ABCG8: variants seen among roughly 807,000 people sequenced by gnomAD.
The protein encoded by ABCG8 is ATP-binding cassette sub-family G member 8.
ABCG8 carries 81 observed loss-of-function variants against 71.3 expected under a neutral mutation model. That is an observed-to-expected ratio of 1.14 (90% CI 0.95 to 1.37). ABCG8 has a LOEUF of 1.37. ABCG8 is among the 40% of genes most tolerant of loss of function. ABCG8 has a pLI of 0.00. For missense variants in ABCG8, 1,119 were observed against 866.2 expected, an observed-to-expected ratio of 1.29 and a Z score of -3.66; for synonymous variants, 451 against 354.7, an observed-to-expected ratio of 1.27 and a Z score of -3.05.
intron 6 of ABCG8, among the ~76,000 whole-genome samples, chr2:43,867,977 A>C (rs779610894): frequency 2.6e-4 from 40 of 151,308 alleles, no homozygotes; most frequent in Non-Finnish European, 3.1e-4. Flanking sequence ...AACTCTCACT[A>C]TCTGGATAGA....
chr2:43,867,198 G>A (rs1226121320), intron 6 of ABCG8, among the ~76,000 whole-genome samples: 1 of 124,274 alleles, frequency 8.0e-6, no homozygotes, highest in Non-Finnish European at 1.7e-5. Context: ...GACTGTTGTG[G>A]GGTGGGGGGA....
intron 3 of ABCG8, 193 bp downstream of exon 3, chr2:43,846,504 T>A: frequency 1.3e-6 from 1 of 777,522 alleles, no homozygotes. Context: ...GGCTTGAGGG[T>A]AGGTGCTGTT....
In ABCG8 at chr2:43,873,999, C is replaced by T. The variant is rs1669870761; in HGVS notation, c.1411+13C>T. On this transcript the variant is annotated intron_variant, in intron 9 of 12. Transcript: ENST00000272286. ...GTCATCTCCAAATGTGAGTGTGGCC[C>T]ACTGGCATGGGCAGGCAGGACCTCA... 6.2e-7 allele frequency: 1 copy of T among 1,613,534 alleles called. No individual in the cohort carries two copies. Among genetic ancestry groups the T allele is most frequent in the Non-Finnish European group, 8.5e-7 (1 of 1,179,996 alleles).
chr2:43,846,316 C>G lies in ABCG8; in HGVS notation c.322+5C>G. The G allele has an allele frequency of 6.2e-7, 1 of 1,614,068 alleles. No homozygotes were observed. The highest frequency in any genetic ancestry group is 8.5e-7 in the Non-Finnish European group (1 of 1,179,992). On this transcript the variant is annotated splice_donor_5th_base_variant and intron_variant, in intron 3 of 12. Coordinates refer to ENST00000272286, the MANE Select transcript of ABCG8 (RefSeq NM_022437.3). ...TGGCCATCATAGGGAGCTCAGGTAC[C>G]GGAAAGGCAAATCGCTGGGCAATGG...
chr2:43,851,800 C>A lies in ABCG8; in HGVS notation c.539C>A (p.Ser180Tyr), dbSNP rs375219268. The A allele has an allele frequency of 6.2e-7, 1 of 1,614,088 alleles. No homozygotes were observed. The highest frequency in any genetic ancestry group is 1.3e-5 in the African/African-American group (1 of 74,934). The change falls in exon 4 of 13, where the codon TCC becomes TAC. Residue 180 changes from serine (S) to tyrosine (Y), a missense_variant. Physicochemically the swap from Ser to Tyr is moderately radical, Grantham distance 144. Coordinates refer to ENST00000272286, the MANE Select transcript of ABCG8 (RefSeq NM_022437.3). The part of the protein sequence containing the change: ...IAQMRLPRTF[S>Y]QAQRDKRVED... ...CAGATGCGGCTGCCCAGAACCTTCT[C>A]CCAGGCCCAGCGTGACAAAAGGGTA...
At chr2:43,841,416 G>A (rs1199888532) in intron 1 of ABCG8, among the ~76,000 whole-genome samples, 1 of 152,204 alleles carries the variant, frequency 6.6e-6, no homozygotes, top group Non-Finnish European at 1.5e-5. Context: ...TAAGATGTCA[G>A]CCGAATAGAT....
In ABCG8 at chr2:43,877,474, CTG is replaced by C. The variant is rs202017254; in HGVS notation, c.1757-84_1757-83del. On this transcript the variant is annotated intron_variant, in intron 11 of 12. Coordinates refer to ENST00000272286, the MANE Select transcript of ABCG8 (RefSeq NM_022437.3). ...CAGACCATGGGAATATGGGGAGACT[CTG>C]TGAATATGGGGGAGACCATGCGAAT... 9.5e-6 allele frequency: 14 copies of C among 1,475,464 alleles called. No individual in the cohort carries two copies. In the East Asian group the frequency reaches 2.0e-4, roughly 21 times the overall value. 91.4% of individuals were successfully genotyped at this position (1,475,464 alleles called of 1,614,324 possible).
chr2:43,839,343 GA>G (rs1305468981), intron 1 of ABCG8, among the ~76,000 whole-genome samples: 1 of 149,832 alleles, frequency 6.7e-6, no homozygotes, highest in Non-Finnish European at 1.5e-5. Flanking sequence ...CTCTTTTAGG[GA>G]AATGATGTTC....
chr2:43,877,754 C>T (rs772423821), intron 12 of ABCG8, 22 bp from the exon 13 acceptor site: 2 of 1,614,152 alleles, frequency 1.2e-6, no homozygotes, highest in Non-Finnish European at 1.7e-6. Flanking sequence ...CTCATGAGCC[C>T]ACTGCATGTC....
Position 43,852,703 on chromosome 2 carries a change from A to G in ABCG8, c.799A>G (p.Ile267Val). The change falls in exon 6 of 13, where the codon ATC (isoleucine) becomes GTC (valine). Residue 267 changes from isoleucine (I) to valine (V), a missense_variant. Ile to Val is a conservative substitution (Grantham distance 29, BLOSUM62 3). Transcript: ENST00000272286. The part of the protein sequence containing the change: ...RLAKGNRLVL[I>V]SLHQPRSDIF... ...GGCCAAAGGCAACCGGCTGGTGCTC[A>G]TCTCCCTCCACCAGCCTCGCTCTGA... The G allele has an allele frequency of 2.5e-6, 4 of 1,614,110 alleles. No individual in the cohort carries two copies. Among genetic ancestry groups the G allele is most frequent in the Non-Finnish European group, 3.4e-6 (4 of 1,180,012 alleles).
chr2:43,860,852 C>G (rs1218582690), intron 6 of ABCG8, among the ~76,000 whole-genome samples: 1 of 150,976 alleles, frequency 6.6e-6, no homozygotes, highest in East Asian at 1.9e-4. Context: ...CTGGATAGAA[C>G]TCTAACAATC....
rs150478002 is a variant in ABCG8, at chr2:43,868,446, C to T, written c.965-3530C>T. 4.7e-3 allele frequency among the ~76,000 whole-genome samples: 718 copies of T among 152,158 alleles called. 9 individuals carry two copies. Among genetic ancestry groups the T allele is most frequent in the Admixed American group, 0.02 (302 of 15,282 alleles). On this transcript the variant is annotated intron_variant, in intron 6 of 12. Coordinates refer to ENST00000272286, the MANE Select transcript of ABCG8 (RefSeq NM_022437.3). ...GAACTGTCACCCTCTGGATAGAATT[C>T]GCACTATCTATCTGGATAGAATTCT...
In ABCG8 at chr2:43,852,462, G is replaced by A. The variant is rs1316304842; in HGVS notation, c.670G>A (p.Gly224Arg). Residue 224 changes from glycine (G) to arginine (R), a missense_variant, in exon 5 of 13, where the codon GGG (glycine) becomes AGG (arginine). Transcript: ENST00000272286. ...SGGERRRVSI[G>R]VQLLWNPGIL... ...GGGTGAGCGCAGGAGAGTCAGCATT[G>A]GGGTGCAGCTCCTGTGGAACCCAGG... 2 of 1,613,396 alleles carry A rather than the reference G, an allele frequency of 1.2e-6. No individual in the cohort carries two copies. Among genetic ancestry groups the A allele is most frequent in the Non-Finnish European group, 8.5e-7 (1 of 1,179,964 alleles).
intron 10 of ABCG8, 31 bp downstream of exon 10, chr2:43,874,514 C>CT (rs1669893652): frequency 1.3e-6 from 2 of 1,561,212 alleles, no homozygotes; most frequent in Non-Finnish European, 1.8e-6. Flanking sequence ...GCAAGTGCCC[C>CT]CCACCCACCA....
At chr2:43,849,283 CTCAGAGT>C (rs60970375) in intron 3 of ABCG8, among the ~76,000 whole-genome samples, 32,379 of 151,840 alleles carry the variant, frequency 0.21, 3,616 homozygotes, top group African/African-American at 0.28. Context: ...GTTTAATTGA[CTCAGAGT>C]TCCTCATGGC....
intron 4 of ABCG8, 85 bp downstream of exon 4, chr2:43,851,907 G>T: frequency 6.8e-7 from 1 of 1,470,980 alleles, no homozygotes. Context: ...CCTTGCCTCA[G>T]GACCCAGCCG....
At chr2:43,851,995 C>T (rs904433191) in intron 4 of ABCG8, among the ~76,000 whole-genome samples, 173 bp downstream of exon 4, 1 of 152,226 alleles carries the variant, frequency 6.6e-6, no homozygotes, top group African/African-American at 2.4e-5. Context: ...CTTTCAAACC[C>T]CACAGCCCGC....
chr2:43,874,066 G>A, intron 9 of ABCG8, 80 bp downstream of exon 9: 4 of 1,357,182 alleles, frequency 2.9e-6, no homozygotes, highest in Non-Finnish European at 3.9e-6. Context: ...TGGGGAGCGG[G>A]TTTGATTTCA....
intron 6 of ABCG8, among the ~76,000 whole-genome samples, chr2:43,868,725 C>T (rs72798820): frequency 0.053 from 7,951 of 150,952 alleles, 253 homozygotes; most frequent in Middle Eastern, 0.13. Flanking sequence ...GATATAATTC[C>T]CACTATCGAT....
Sources: gnomAD v4.1 joint callset for allele counts (sites outside exome capture counted in the v4.1 genomes callset) on GRCh38, gnomAD v4.1.1 for gene constraint, MANE v1.5 for transcripts, NCBI Gene and HGNC (gene_info 2026-07-23, HGNC 2026-07-21) for gene names.